The following VPS4A variants were observed in gnomAD, a reference collection of about 807,000 sequenced individuals.
The protein encoded by VPS4A is vacuolar protein sorting-associated protein 4A.
VPS4A carries 20 observed loss-of-function variants against 52.3 expected under a neutral mutation model. The observed-to-expected ratio is 0.38, with a 90% CI of 0.27 to 0.56. VPS4A has a LOEUF of 0.56. Among genes scored for constraint, VPS4A ranks in the 20% least tolerant of loss-of-function variants. The probability of loss-of-function intolerance (pLI) is 0.72; values close to 1 mark genes in which losing one functional copy is unlikely to be tolerated. For missense variants in VPS4A, 419 were observed against 575.9 expected (o/e 0.73, Z 2.79); for synonymous variants, 293 against 227.7 (o/e 1.29, Z -2.58).
At chr16:69,323,378 G>T in intron 10 of VPS4A, 1 of 246,614 alleles carries the variant, frequency 4.1e-6, no homozygotes, top group Non-Finnish European at 8.2e-6. Flanking sequence ...TGAAACTGCT[G>T]GGCTCAAGTG....
chr16:69,314,991 T>C (rs563314944), intron 1 of VPS4A, among the ~76,000 whole-genome samples: 1 of 152,124 alleles, frequency 6.6e-6, no homozygotes, highest in African/African-American at 2.4e-5. Context: ...TCCCAGCACT[T>C]TGGAAGCCAA....
At position 69,324,639 on chromosome 16, in the gene VPS4A, A is replaced by G. The variant is rs907399950; in HGVS notation, c.*330A>G. ...GGATTTTCATCTTATTTATAAAGATAAAATCACCTGGAAGTGTCAAGGAGT... is the reference window on the plus strand; with the variant it reads ...GGATTTTCATCTTATTTATAAAGATGAAATCACCTGGAAGTGTCAAGGAGT... On this transcript the variant is annotated 3_prime_UTR_variant, in exon 11 of 11. Coordinates refer to ENST00000254950, the MANE Select transcript of VPS4A (RefSeq NM_013245.3). 3.6e-6 allele frequency: 1 copy of G among 277,696 alleles called. No individual in the cohort carries two copies. The highest frequency in any genetic ancestry group is 4.2e-5 in the Admixed American group (1 of 24,038). 17.2% of individuals were successfully genotyped at this position (277,696 alleles called of 1,614,324 possible).
chr16:69,316,329 C>T lies in VPS4A; in HGVS notation c.238C>T (p.His80Tyr). ...LKDYLRSKEK[H>Y]GKKPVKENQS... ...GGATTATTTACGAAGCAAAGAGAAA[C>T]ACGGCAAGAAGCCAGTCAAAGAGAA... The change falls in exon 3 of 11, where the codon CAC becomes TAC. Residue 80 changes from histidine (H) to tyrosine (Y), a missense_variant. Physicochemically the swap from His to Tyr is moderately conservative, Grantham distance 83. This residue lies in a region of VPS4A where 131 missense variants were observed against 165.4 expected (regional missense o/e 0.79). Transcript: ENST00000254950. 6.2e-7 allele frequency: 1 copy of T among 1,613,858 alleles called. No homozygotes were observed. The highest frequency in any genetic ancestry group is 8.5e-7 in the Non-Finnish European group (1 of 1,179,874).
chr16:69,311,486 G>A lies in VPS4A; in HGVS notation c.-26G>A. On this transcript the variant is annotated 5_prime_UTR_variant, in exon 1 of 11. Coordinates refer to ENST00000254950, the MANE Select transcript of VPS4A (RefSeq NM_013245.3). ...ACCGAGGCCGCAAGCAGCGCCGCGG[G>A]GTGTGGGGCGGACCCAGGAGATGAA... The A allele has an allele frequency of 2.3e-6, 3 of 1,329,810 alleles. No individual in the cohort carries two copies. Among genetic ancestry groups the A allele is most frequent in the East Asian group, 3.1e-5 (1 of 31,978 alleles). 82.4% of individuals were successfully genotyped at this position (1,329,810 alleles called of 1,614,324 possible).
At chr16:69,312,991 T>G (rs1229222475) in intron 1 of VPS4A, among the ~76,000 whole-genome samples, 1 of 151,596 alleles carries the variant, frequency 6.6e-6, no homozygotes, top group Non-Finnish European at 1.5e-5. Context: ...TTATTAATTT[T>G]TTTTTTTGAG....
In VPS4A at chr16:69,311,416, C is replaced by T. The variant is rs1965375255; in HGVS notation, c.-96C>T. 5.0e-6 allele frequency: 6 copies of T among 1,209,216 alleles called. No homozygotes were observed. Among genetic ancestry groups the T allele is most frequent in the Middle Eastern group, 2.4e-4 (1 of 4,176 alleles). The allele number at this position is 1,209,216 out of a possible 1,614,324, so 74.9% of individuals were successfully genotyped here. A position where few individuals can be genotyped will look rare whatever the true frequency, so the allele number is the denominator to read the frequency against. On this transcript the variant is annotated 5_prime_UTR_variant, in exon 1 of 11. Coordinates refer to ENST00000254950, the MANE Select transcript of VPS4A (RefSeq NM_013245.3). Reference sequence around the variant, plus strand: ...GCGCACCGCGCTCAGCGCCCACCGCCGGGCTTCCCGCGCCGGACCCAGTAC... The same window carrying T: ...GCGCACCGCGCTCAGCGCCCACCGCTGGGCTTCCCGCGCCGGACCCAGTAC...
In VPS4A at chr16:69,321,343, T is replaced by A; in HGVS notation, c.1071+73T>A. 1.4e-6 allele frequency: 2 copies of A among 1,476,292 alleles called. No homozygotes were observed. Among genetic ancestry groups the A allele is most frequent in the Non-Finnish European group, 1.8e-6 (2 of 1,094,474 alleles). 91.4% of individuals were successfully genotyped at this position (1,476,292 alleles called of 1,614,324 possible). On this transcript the variant is annotated intron_variant, in intron 9 of 10. Transcript: ENST00000254950. The surrounding 1 kb of genome is among the most constrained non-coding windows in gnomAD (Gnocchi z 4.5). Reference sequence around the variant, plus strand: ...GATGTTCGGTTTTTTTTTTCCCAGCTCCTGGTCCTGCTCCCCGGCTGCTCA... The same window carrying A: ...GATGTTCGGTTTTTTTTTTCCCAGCACCTGGTCCTGCTCCCCGGCTGCTCA...
chr16:69,324,243 C>T lies in VPS4A; in HGVS notation c.1248C>T (p.Pro416=). The change falls in exon 11 of 11, where the codon CCC becomes CCT. Residue 416 remains proline (P), a synonymous_variant. Coordinates refer to ENST00000254950, the MANE Select transcript of VPS4A (RefSeq NM_013245.3). ...TGCGGTCTCTGGCCACCACCCGGCCCACGGTGAATGCAGACGACCTCCTGA... is the reference window on the plus strand; with the variant it reads ...TGCGGTCTCTGGCCACCACCCGGCCTACGGTGAATGCAGACGACCTCCTGA... ...DMLRSLATTR[P]TVNADDLLKV... 1 of 1,613,902 alleles carries T rather than the reference C, an allele frequency of 6.2e-7. No homozygotes were observed. The highest frequency in any genetic ancestry group is 1.1e-5 in the South Asian group (1 of 91,006).
In VPS4A at chr16:69,322,514, C is replaced by T. The variant is rs775853982; in HGVS notation, c.1072-46C>T. The T allele has an allele frequency of 6.3e-6, 10 of 1,579,018 alleles. 1 individual carries two copies. The South Asian group carries it at 1.2e-4, about 18-fold the overall frequency. On this transcript the variant is annotated intron_variant, in intron 9 of 10. Transcript: ENST00000254950. ...TAGAGACCGGAGGGGTCGAGCCCCT[C>T]TGACACTGAGGGGCAGCTGCCCCAG...
In VPS4A at chr16:69,324,432, C is replaced by A. The variant is rs1204298657; in HGVS notation, c.*123C>A. ...CCCAGTCAATACAGAGTTCCCTCTG[C>A]TGTCTGGCCGTCTGCCAGGGAGCCA... On this transcript the variant is annotated 3_prime_UTR_variant, in exon 11 of 11. Transcript: ENST00000254950. 3.7e-6 allele frequency: 4 copies of A among 1,079,440 alleles called. No individual in the cohort carries two copies. The highest frequency in any genetic ancestry group is 2.9e-5 in the South Asian group (2 of 69,158). The allele number at this position is 1,079,440 out of a possible 1,614,324, so 66.9% of individuals were successfully genotyped here.
rs1567424466 is a variant in VPS4A, at chr16:69,321,370, G to T, written c.1071+100G>T. On this transcript the variant is annotated intron_variant, in intron 9 of 10. Transcript: ENST00000254950. This position sits in a 1 kb window ranked among gnomAD's most constrained non-coding sequence, Gnocchi z 4.5. ...CTGGTCCTGCTCCCCGGCTGCTCAG[G>T]TGACACAGTCTCTGAGGCCTCCTGG... is the stretch of plus-strand genomic sequence containing the variant. 4 of 1,343,652 alleles carry T rather than the reference G, an allele frequency of 3.0e-6. No homozygotes were observed. Among genetic ancestry groups the T allele is most frequent in the Non-Finnish European group, 4.1e-6 (4 of 984,412 alleles). The allele number at this position is 1,343,652 out of a possible 1,614,324, so 83.2% of individuals were successfully genotyped here. A position where few individuals can be genotyped will look rare whatever the true frequency, so the allele number is the denominator to read the frequency against.
intron 3 of VPS4A, among the ~76,000 whole-genome samples, chr16:69,317,718 G>A (rs992155216): frequency 2.0e-5 from 3 of 151,992 alleles, no homozygotes; most frequent in African/African-American, 7.2e-5. Context: ...GCGTGAACCC[G>A]GGAGGCGGAG....
chr16:69,320,306 G>C lies in VPS4A; in HGVS notation c.769+17G>C, dbSNP rs1170325485. 1 of 1,608,434 alleles carries C rather than the reference G, an allele frequency of 6.2e-7. No individual in the cohort carries two copies. Among genetic ancestry groups the C allele is most frequent in the Non-Finnish European group, 8.5e-7 (1 of 1,175,402 alleles). ...AGATGCAGGGTGTGTGCCGGGCCCA[G>C]GGCCCCCTTGGTTCTTGTTGCACCT... On this transcript the variant is annotated intron_variant, in intron 7 of 10. Transcript: ENST00000254950. The surrounding 1 kb of genome is among the most constrained non-coding windows in gnomAD (Gnocchi z 4.2).
intron 5 of VPS4A, 142 bp downstream of exon 5, chr16:69,319,084 A>G: frequency 7.8e-7 from 1 of 1,283,614 alleles, no homozygotes; most frequent in South Asian, 1.4e-5. Context: ...TGGTGTCCAC[A>G]ACACTGCTGT....
At chr16:69,324,067 CA>C (rs1965551705) in intron 10 of VPS4A, 140 bp from the exon 11 acceptor site, 2 of 732,156 alleles carry the variant, frequency 2.7e-6, no homozygotes. Context: ...GGGTCCCTGC[CA>C]TAGGCAGATT....
chr16:69,316,887 G>A (rs1965443664), intron 3 of VPS4A, among the ~76,000 whole-genome samples: 1 of 152,228 alleles, frequency 6.6e-6, no homozygotes, highest in African/African-American at 2.4e-5. Context: ...GATGGAACTT[G>A]GACCCCCAAA....
chr16:69,315,949 A>AC, intron 1 of VPS4A, 59 bp from the exon 2 acceptor site: 1 of 1,462,260 alleles, frequency 6.8e-7, no homozygotes, highest in South Asian at 1.2e-5. Context: ...CATGCCTGTG[A>AC]CCCCAGGGAC....
chr16:69,325,105 C>T lies in VPS4A; in HGVS notation c.*796C>T, dbSNP rs1445874655. ...GACTCTGAAGGGCCACCCTTGCTTC[C>T]AATTAAAAGACCCTCTGGTTTTCTG... On this transcript the variant is annotated 3_prime_UTR_variant, in exon 11 of 11. Transcript: ENST00000254950. 6.6e-6 allele frequency: 1 copy of T among 152,298 alleles called. No homozygotes were observed. Among genetic ancestry groups the T allele is most frequent in the African/African-American group, 2.4e-5 (1 of 41,448 alleles). The allele number at this position is 152,298 out of a possible 1,614,324, so 9.4% of individuals were successfully genotyped here.
In VPS4A at chr16:69,319,301, A is replaced by C. The variant is rs973289398; in HGVS notation, c.464-86A>C. ...GTTGTTTCACAGAATGCCCTGTTTT[A>C]CTGTATGTATGGGACTCGAGACCCT... On this transcript the variant is annotated intron_variant, in intron 5 of 10. Coordinates refer to ENST00000254950, the MANE Select transcript of VPS4A (RefSeq NM_013245.3). The C allele has an allele frequency of 6.5e-6, 10 of 1,543,470 alleles. No individual in the cohort carries two copies. The Admixed American group carries it at 9.5e-5, about 15-fold the overall frequency.
Sources: allele counts gnomAD v4.1 joint callset (sites outside exome capture counted in the v4.1 genomes callset), GRCh38; gene constraint gnomAD v4.1.1; regional missense constraint gnomAD v4.1.1; non-coding constraint Gnocchi (gnomAD v3.1); transcripts MANE v1.5; gene names NCBI Gene and HGNC (gene_info 2026-07-23, HGNC 2026-07-21).